The following PRKAG2 variants were observed in gnomAD, a reference collection of about 807,000 sequenced individuals.
PRKAG2 encodes protein kinase AMP-activated non-catalytic subunit gamma 2.
PRKAG2 carries 26 observed loss-of-function variants against 69.6 expected under a neutral mutation model. The observed-to-expected ratio is 0.37, with a 90% CI of 0.27 to 0.52. The LOEUF is 0.52. PRKAG2 is among the 20% of genes least tolerant of loss of function. The pLI, the probability that PRKAG2 is intolerant of heterozygous loss-of-function variation, is 0.90. For synonymous variants in PRKAG2, 293 were observed against 285.0 expected (o/e 1.03, Z -0.28); for missense variants, 557 against 740.0 (o/e 0.75, Z 2.87).
chr7:151,694,414 T>C (rs1836241727), intron 3 of PRKAG2, among the ~76,000 whole-genome samples: 2 of 152,158 alleles, frequency 1.3e-5, no homozygotes, highest in African/African-American at 2.4e-5. Context: ...CATTTCATAG[T>C]ACAACACTGA....
At chr7:151,651,033 G>A (rs1469323985) in intron 4 of PRKAG2, among the ~76,000 whole-genome samples, 1 of 152,136 alleles carries the variant, frequency 6.6e-6, no homozygotes, top group African/African-American at 2.4e-5. Flanking sequence ...TCACTGCAAG[G>A]AAAACAACTG....
intron 5 of PRKAG2, among the ~76,000 whole-genome samples, chr7:151,623,254 C>T (rs535361788): frequency 6.8e-6 from 1 of 147,270 alleles, no homozygotes; most frequent in East Asian, 2.0e-4. Flanking sequence ...ATCCCAGTTA[C>T]TTGAGAGGCT....
chr7:151,732,102 T>C (rs1329198234), intron 3 of PRKAG2, among the ~76,000 whole-genome samples: 2 of 150,582 alleles, frequency 1.3e-5, no homozygotes, highest in African/African-American at 2.4e-5. Context: ...TACCAAAGTG[T>C]TGGATCACAG....
At chr7:151,613,143 A>G (rs2151226200) in intron 5 of PRKAG2, among the ~76,000 whole-genome samples, 1 of 152,360 alleles carries the variant, frequency 6.6e-6, no homozygotes, top group African/African-American at 2.4e-5. Context: ...CAGATGGAAG[A>G]AAGACAGTTG....
At position 151,567,872 on chromosome 7, in the gene PRKAG2, G is replaced by A. The variant is rs769127598; in HGVS notation, c.1233+844C>T. ...AGCTTCAGCTCCTTCACACTGCACCGGAACGCTATGTTAGGTCCTTAGGTG... is the reference window on the plus strand; with the variant it reads ...AGCTTCAGCTCCTTCACACTGCACCAGAACGCTATGTTAGGTCCTTAGGTG... On this transcript the variant is annotated intron_variant, in intron 11 of 15. Coordinates refer to ENST00000287878, the MANE Select transcript of PRKAG2 (RefSeq NM_016203.4). This position sits in a 1 kb window ranked among gnomAD's most constrained non-coding sequence, Gnocchi z 4.2. 6.6e-5 allele frequency among the ~76,000 whole-genome samples: 10 copies of A among 152,118 alleles called. No homozygotes were observed. The highest frequency in any genetic ancestry group is 3.9e-4 in the East Asian group (2 of 5,182).
intron 4 of PRKAG2, among the ~76,000 whole-genome samples, chr7:151,670,925 C>A (rs1199553626): frequency 6.6e-6 from 1 of 152,070 alleles, no homozygotes. Flanking sequence ...ATAATCCCAG[C>A]ACTTTGGGAG....
intron 3 of PRKAG2, among the ~76,000 whole-genome samples, chr7:151,768,424 T>C (rs1364172712): frequency 3.9e-5 from 6 of 152,176 alleles, no homozygotes; most frequent in African/African-American, 1.4e-4. Context: ...CAATAAAGTT[T>C]AGAACTCTTG....
rs545364258 is a variant in PRKAG2 at position 151,777,403 on chromosome 7, G to A, written c.466+3749C>T. Reference sequence around the variant, plus strand: ...AATTGGATCCCCGGTGTTGGAGGTGGGGCCCCGTGGGAGGTGTTTGGGTCC... The same window carrying A: ...AATTGGATCCCCGGTGTTGGAGGTGAGGCCCCGTGGGAGGTGTTTGGGTCC... On this transcript the variant is annotated intron_variant, in intron 3 of 15. Transcript: ENST00000287878. This position sits in a 1 kb window ranked among gnomAD's most constrained non-coding sequence, Gnocchi z 4.3. Among the ~76,000 whole-genome samples the A allele has an allele frequency of 3.8e-4, 58 of 152,284 alleles. No individual in the cohort carries two copies. Among genetic ancestry groups the A allele is most frequent in the African/African-American group, 1.2e-3 (50 of 41,550 alleles).
intron 3 of PRKAG2, among the ~76,000 whole-genome samples, chr7:151,698,420 G>A (rs1283297321): frequency 6.6e-6 from 1 of 152,114 alleles, no homozygotes; most frequent in Non-Finnish European, 1.5e-5. Flanking sequence ...GTTGAAATGC[G>A]ACCCCCGAGT....
At chr7:151,700,800 C>A (rs2151566522) in intron 3 of PRKAG2, among the ~76,000 whole-genome samples, 1 of 152,330 alleles carries the variant, frequency 6.6e-6, no homozygotes, top group Middle Eastern at 3.4e-3. Context: ...CCACACCCAT[C>A]CCCTCCACAC....
At chr7:151,598,779 T>C (rs761806086) in intron 5 of PRKAG2, among the ~76,000 whole-genome samples, 48 of 152,194 alleles carry the variant, frequency 3.2e-4, no homozygotes, top group Non-Finnish European at 5.0e-4. Flanking sequence ...ATGGTAACAA[T>C]GTGGACAAAT....
chr7:151,818,023 C>T (rs1417723362), intron 1 of PRKAG2, among the ~76,000 whole-genome samples: 1 of 152,152 alleles, frequency 6.6e-6, no homozygotes, highest in Non-Finnish European at 1.5e-5. Context: ...CAGGTCCAGC[C>T]TATAACATCT....
At chr7:151,642,019 C>T (rs1826792800) in intron 4 of PRKAG2, among the ~76,000 whole-genome samples, 1 of 139,988 alleles carries the variant, frequency 7.1e-6, no homozygotes, top group Non-Finnish European at 1.5e-5. Context: ...CATAGGGAGA[C>T]CCCATCTTTA....
intron 1 of PRKAG2, among the ~76,000 whole-genome samples, chr7:151,821,127 T>C (rs1297791375): frequency 4.9e-4 from 3 of 6,116 alleles, no homozygotes; most frequent in African/African-American, 1.5e-3. Context: ...GCCACCATCA[T>C]AGAAGTTTCC....
At chr7:151,650,516 C>T (rs1380620179) in intron 4 of PRKAG2, among the ~76,000 whole-genome samples, 1 of 152,172 alleles carries the variant, frequency 6.6e-6, no homozygotes, top group Non-Finnish European at 1.5e-5. Context: ...TGCTTGACAA[C>T]AGTGACATAT....
At chr7:151,684,578 T>C (rs935662415) in intron 3 of PRKAG2, among the ~76,000 whole-genome samples, 2 of 152,210 alleles carry the variant, frequency 1.3e-5, no homozygotes, top group African/African-American at 4.8e-5. Flanking sequence ...CTGCCATTGA[T>C]AGCAGGTGAC....
intron 3 of PRKAG2, among the ~76,000 whole-genome samples, chr7:151,711,021 T>G (rs1795213148): frequency 6.6e-6 from 1 of 152,046 alleles, no homozygotes; most frequent in Non-Finnish European, 1.5e-5. Context: ...ATGCTAGGGT[T>G]AGAGTACTAA....
intron 1 of PRKAG2, among the ~76,000 whole-genome samples, chr7:151,805,972 G>C (rs2078079704): frequency 6.6e-6 from 1 of 152,224 alleles, no homozygotes; most frequent in South Asian, 2.1e-4. Flanking sequence ...GCCAAGGCAG[G>C]CTGATCACCT....
chr7:151,792,256 C>G (rs1447128215), intron 1 of PRKAG2, among the ~76,000 whole-genome samples: 2 of 152,214 alleles, frequency 1.3e-5, no homozygotes, highest in Non-Finnish European at 2.9e-5. Context: ...CTAACTTTCT[C>G]TTCAAGTTCT....
Sources: allele counts gnomAD v4.1 joint callset (sites outside exome capture counted in the v4.1 genomes callset), GRCh38; gene constraint gnomAD v4.1.1; non-coding constraint Gnocchi (gnomAD v3.1); transcripts MANE v1.5; gene names NCBI Gene and HGNC (gene_info 2026-07-23, HGNC 2026-07-21).